PLEKHG6: variants seen among roughly 807,000 people sequenced by gnomAD.
PLEKHG6 encodes the protein pleckstrin homology domain-containing family G member 6.
A neutral mutation model predicts 97.5 loss-of-function variants in PLEKHG6; 91 were observed. The ratio of observed to expected loss-of-function variants is 0.93; its 90% CI spans 0.79 to 1.11. PLEKHG6 has a LOEUF of 1.11. PLEKHG6 is among the 50% of genes most tolerant of loss of function. The pLI, the probability that PLEKHG6 is intolerant of heterozygous loss-of-function variation, is 0.00. For synonymous variants in PLEKHG6, 466 were observed against 425.5 expected (o/e 1.10, Z -1.17); for missense variants, 1,044 against 1,031.0 (o/e 1.01, Z -0.17).
chr12:6,327,008 C>T (rs1230889234), intron 14 of PLEKHG6, among the ~76,000 whole-genome samples: 1 of 152,140 alleles, frequency 6.6e-6, no homozygotes, highest in Non-Finnish European at 1.5e-5. Flanking sequence ...TCAGCAAAAA[C>T]CTGACTACCC....
chr12:6,318,631 G>C, intron 11 of PLEKHG6, 114 bp from the exon 12 acceptor site: 2 of 1,275,954 alleles, frequency 1.6e-6, no homozygotes, highest in African/African-American at 1.5e-5. Flanking sequence ...TCCCGCATTT[G>C]GGCTCTGCGT....
At chr12:6,313,816 C>A (rs1358412367) in intron 3 of PLEKHG6, 32 bp downstream of exon 3, 2 of 1,526,172 alleles carry the variant, frequency 1.3e-6, no homozygotes, top group South Asian at 2.6e-5. Context: ...CATCCCCACA[C>A]ATACGGCCCC....
chr12:6,314,332 G>A (rs1011914535), intron 3 of PLEKHG6, among the ~76,000 whole-genome samples: 7 of 152,214 alleles, frequency 4.6e-5, no homozygotes, highest in South Asian at 4.1e-4. Context: ...GTGAAACCCC[G>A]TCTCTGCTAA....
At position 6,327,260 on chromosome 12, in the gene PLEKHG6, T is replaced by C. The variant is rs760144948; in HGVS notation, c.1677T>C (p.Pro559=). 1.3e-6 allele frequency: 2 copies of C among 1,588,224 alleles called. No individual in the cohort carries two copies. Among genetic ancestry groups the C allele is most frequent in the East Asian group, 4.5e-5 (2 of 44,574 alleles). ...GSQSSAEGRT[P]EFSTIIPHLV... ...TCTTTGCCATTAACTGTAGGACTCCTGAGTTCTCGACCATTATCCCCCACC... is the reference window on the plus strand; with the variant it reads ...TCTTTGCCATTAACTGTAGGACTCCCGAGTTCTCGACCATTATCCCCCACC... The change falls in exon 15 of 16, where the codon CCT becomes CCC. Residue 559 remains proline, a synonymous_variant. Transcript: ENST00000684764.
rs773281442 is a variant in PLEKHG6 at position 6,316,014 on chromosome 12, C to T, written c.606+95C>T. On this transcript the variant is annotated intron_variant, in intron 6 of 15. Coordinates refer to ENST00000684764, the MANE Select transcript of PLEKHG6 (RefSeq NM_001384598.1). This position sits in a 1 kb window ranked among gnomAD's most constrained non-coding sequence, Gnocchi z 4.1. ...CCAGCCATCCCTGTCTGAATTCCCA[C>T]TGCCCCGTTTTTTGGGATGCCTTGC... 8.2e-7 allele frequency: 1 copy of T among 1,220,628 alleles called. No homozygotes were observed. Among genetic ancestry groups the T allele is most frequent in the Non-Finnish European group, 1.1e-6 (1 of 871,708 alleles). The allele number at this position is 1,220,628 out of a possible 1,614,324, so 75.6% of individuals were successfully genotyped here. A position where few individuals can be genotyped will look rare whatever the true frequency, so the allele number is the denominator to read the frequency against.
Position 6,327,491 on chromosome 12 carries a change from C to CCCCCCCCCA in PLEKHG6, c.1908_1909insCCCCCCCCA (p.Pro636_Asp637insProProPro). Reference sequence around the variant, plus strand: ...ACATCCCTCTGCGTCCCCACCCTCCCGACCCCCAAGCTCCTCAACGCCGAA... The same window carrying CCCCCCCCCA: ...ACATCCCTCTGCGTCCCCACCCTCCCCCCCCCCCAGACCCCCAAGCTCCTCAACGCCGAA... On this transcript the variant is annotated inframe_insertion, in exon 15 of 16. Transcript: ENST00000684764. The CCCCCCCCCA allele has an allele frequency of 6.3e-7, 1 of 1,589,436 alleles. No homozygotes were observed. Among genetic ancestry groups the CCCCCCCCCA allele is most frequent in the Non-Finnish European group, 8.6e-7 (1 of 1,164,862 alleles).
Position 6,327,675 on chromosome 12 carries a change from C to A in PLEKHG6, c.2092C>A (p.Pro698Thr). The change falls in exon 15 of 16, where the codon CCA (proline) becomes ACA (threonine). Residue 698 changes from proline to threonine, a missense_variant. Pro to Thr is a conservative substitution (Grantham distance 38, BLOSUM62 -1). Transcript: ENST00000684764. ...ARLRGQLPSS[P>T]THADSAGESP... The stretch of plus-strand genomic sequence containing the variant: ...GCTTCGGGGCCAGCTTCCCTCCTCC[C>A]CAACCCATGCTGACTCTGCCGGGGA... 6.4e-7 allele frequency: 1 copy of A among 1,562,826 alleles called. No individual in the cohort carries two copies. Among genetic ancestry groups the A allele is most frequent in the East Asian group, 2.3e-5 (1 of 43,286 alleles).
chr12:6,317,319 A>G lies in PLEKHG6; in HGVS notation c.773A>G (p.His258Arg), dbSNP rs1187047692. The G allele has an allele frequency of 2.5e-6, 4 of 1,613,420 alleles. No individual in the cohort carries two copies. Among genetic ancestry groups the G allele is most frequent in the Non-Finnish European group, 2.5e-6 (3 of 1,179,686 alleles). ...TCTCTCCAGTTTGGCCAGCGGTTCC[A>G]CCCCTATGTCCAGTACTGCCTCCGA... is the stretch of plus-strand genomic sequence containing the variant. Reference protein sequence around the residue: ...SGFLTFGQRFHPYVQYCLRVK... With the variant: ...SGFLTFGQRFRPYVQYCLRVK... Residue 258 changes from histidine (H) to arginine (R), a missense_variant, in exon 8 of 16, where the codon CAC becomes CGC. Physicochemically the swap from His to Arg is conservative, Grantham distance 29 (BLOSUM62 0). Transcript: ENST00000684764.
At position 6,318,846 on chromosome 12, in the gene PLEKHG6, G is replaced by A. The variant is rs1347236241; in HGVS notation, c.1377G>A (p.Glu459=). The change falls in exon 12 of 16, where the codon GAG becomes GAA. Residue 459 remains glutamate (E), a synonymous_variant. Transcript: ENST00000684764. ...TCATCCGACCCCCTCTCATGCTGGAGAAGCTCGTGTGCCAACCCCTGCGAG... is the reference window on the plus strand; with the variant it reads ...TCATCCGACCCCCTCTCATGCTGGAAAAGCTCGTGTGCCAACCCCTGCGAG... ...AKVIRPPLML[E]KLVCQPLRDP... The A allele has an allele frequency of 6.2e-7, 1 of 1,614,256 alleles. No homozygotes were observed.
chr12:6,313,290 A>C (rs913783673), intron 2 of PLEKHG6: 1 of 1,119,132 alleles, frequency 8.9e-7, no homozygotes, highest in Non-Finnish European at 1.3e-6. Context: ...TGCACCCCCC[A>C]TGGTACGGAG....
intron 1 of PLEKHG6, 95 bp from the exon 2 acceptor site, chr12:6,312,064 C>T (rs554857603): frequency 7.6e-6 from 4 of 526,046 alleles, no homozygotes; most frequent in Non-Finnish European, 9.6e-6. Flanking sequence ...CCCCACTATA[C>T]CCTCCCTCCC....
chr12:6,314,901 C>CGCACACACTTTAACACACAT, intron 3 of PLEKHG6, 104 bp from the exon 4 acceptor site: 1 of 1,070,090 alleles, frequency 9.3e-7, no homozygotes, highest in Non-Finnish European at 1.4e-6. Context: ...CACAGACACA[C>CGCACACACTTTAACACACAT]GCACACACTT....
At position 6,327,354 on chromosome 12, in the gene PLEKHG6, G is replaced by C; in HGVS notation, c.1771G>C (p.Gly591Arg). 1 of 1,614,112 alleles carries C rather than the reference G, an allele frequency of 6.2e-7. No homozygotes were observed. Among genetic ancestry groups the C allele is most frequent in the South Asian group, 1.1e-5 (1 of 91,086 alleles). Residue 591 changes from glycine to arginine, a missense_variant, in exon 15 of 16, where the codon GGC (glycine) becomes CGC (arginine). By Grantham distance (125) the Gly-to-Arg change is moderately radical (BLOSUM62 -2). Coordinates refer to ENST00000684764, the MANE Select transcript of PLEKHG6 (RefSeq NM_001384598.1). ...AGATGATACCTCAGACTCTGGCTACGGCACTTTGATCCCAGGCACCCCCAC... is the reference window on the plus strand; with the variant it reads ...AGATGATACCTCAGACTCTGGCTACCGCACTTTGATCCCAGGCACCCCCAC... Reference protein sequence around the residue: ...VPDDTSDSGYGTLIPGTPTGS... With the variant: ...VPDDTSDSGYRTLIPGTPTGS...
chr12:6,320,859 A>AT (rs1947680365), intron 13 of PLEKHG6, among the ~76,000 whole-genome samples: 1 of 152,174 alleles, frequency 6.6e-6, no homozygotes, highest in African/African-American at 2.4e-5. Context: ...TGGGCTGGAT[A>AT]TATTTCTGGA....
intron 7 of PLEKHG6, 52 bp from the exon 8 acceptor site, chr12:6,317,251 T>C: frequency 8.5e-7 from 1 of 1,179,884 alleles, no homozygotes; most frequent in Non-Finnish European, 1.3e-6. Context: ...GAGCCTGTAT[T>C]CATGGCCTTC....
Position 6,317,641 on chromosome 12 carries a change from A to G in PLEKHG6, c.962A>G (p.His321Arg). The change falls in exon 9 of 16, where the codon CAT becomes CGT. Residue 321 changes from histidine to arginine, a missense_variant. Coordinates refer to ENST00000684764, the MANE Select transcript of PLEKHG6 (RefSeq NM_001384598.1). The part of the protein sequence containing the change: ...QRITKYPLLL[H>R]AVLKRSPEAR... ...ATCACCAAGTACCCACTGCTGCTCCATGCTGTGCTCAAGAGGAGCCCCGAG... is the reference window on the plus strand; with the variant it reads ...ATCACCAAGTACCCACTGCTGCTCCGTGCTGTGCTCAAGAGGAGCCCCGAG... 6.2e-7 allele frequency: 1 copy of G among 1,614,028 alleles called. No individual in the cohort carries two copies. Among genetic ancestry groups the G allele is most frequent in the Non-Finnish European group, 8.5e-7 (1 of 1,180,028 alleles).
In PLEKHG6 at chr12:6,315,491, A is replaced by G; in HGVS notation, c.460-63A>G. 9.1e-7 allele frequency: 1 copy of G among 1,103,168 alleles called. No individual in the cohort carries two copies. The highest frequency in any genetic ancestry group is 2.4e-5 in the East Asian group (1 of 41,544). The allele number at this position is 1,103,168 out of a possible 1,614,324, so 68.3% of individuals were successfully genotyped here. A position where few individuals can be genotyped will look rare whatever the true frequency, so the allele number is the denominator to read the frequency against. On this transcript the variant is annotated intron_variant, in intron 4 of 15. Transcript: ENST00000684764. The surrounding 1 kb of genome is among the most constrained non-coding windows in gnomAD (Gnocchi z 4.5). ...TATGAAGTGGATCCGGTCGCACTTAACAGCTGGTACTTGCCATTCTAATTA... is the reference window on the plus strand; with the variant it reads ...TATGAAGTGGATCCGGTCGCACTTAGCAGCTGGTACTTGCCATTCTAATTA...
Position 6,316,057 on chromosome 12 carries a change from T to A in PLEKHG6, c.606+138T>A, listed in dbSNP as rs1947446847. On this transcript the variant is annotated intron_variant, in intron 6 of 15. Coordinates refer to ENST00000684764, the MANE Select transcript of PLEKHG6 (RefSeq NM_001384598.1). This position sits in a 1 kb window ranked among gnomAD's most constrained non-coding sequence, Gnocchi z 4.1. Reference sequence around the variant, plus strand: ...TGCCTTGCCCTCCCTACTTCCCTGTTACTGGGGACTCCAAGCAGGCCACAG... The same window carrying A: ...TGCCTTGCCCTCCCTACTTCCCTGTAACTGGGGACTCCAAGCAGGCCACAG... 48 of 925,768 alleles carry A rather than the reference T, an allele frequency of 5.2e-5. 3 individuals carry two copies. In the South Asian group the frequency reaches 7.7e-4, roughly 15 times the overall value. The allele number at this position is 925,768 out of a possible 1,614,324, so 57.3% of individuals were successfully genotyped here. A position where few individuals can be genotyped will look rare whatever the true frequency, so the allele number is the denominator to read the frequency against.
chr12:6,310,883 G>T, intron 1 of PLEKHG6, 35 bp downstream of exon 1: 1 of 152,900 alleles, frequency 6.5e-6, no homozygotes, highest in South Asian at 1.9e-4. Flanking sequence ...CCCGGGGGCG[G>T]GGCGGCCGGG....
Sources: gnomAD v4.1 joint callset for allele counts (sites outside exome capture counted in the v4.1 genomes callset) on GRCh38, gnomAD v4.1.1 for gene constraint, Gnocchi (gnomAD v3.1) non-coding constraint, MANE v1.5 for transcripts, NCBI Gene and HGNC (gene_info 2026-07-23, HGNC 2026-07-21) for gene names.